Variants in CIBAR1 observed in about 807,000 individuals in gnomAD.
CIBAR1 encodes CBY1 interacting BAR domain containing 1.
Under a neutral mutation model 44.0 loss-of-function variants are expected in CIBAR1, and 25 were observed. The observed-to-expected ratio is 0.57, with a 90% confidence interval of 0.41 to 0.79. The LOEUF is 0.79. Among genes scored for constraint, CIBAR1 ranks in the 30% least tolerant of loss-of-function variants. CIBAR1 has a pLI of 0.00. For synonymous variants in CIBAR1, 115 were observed against 119.0 expected, an observed-to-expected ratio of 0.97 and a Z score of 0.22; for missense variants, 278 against 344.8, an observed-to-expected ratio of 0.81 and a Z score of 1.53.
At chr8:93,703,559 C>A (rs1810457843) in intron 2 of CIBAR1, 61 bp from the exon 3 acceptor site, 11 of 1,001,680 alleles carry the variant, frequency 1.1e-5, no homozygotes, top group Non-Finnish European at 1.5e-5. Flanking sequence ...AGTGATTAGC[C>A]TTTTATTTAT....
intron 6 of CIBAR1, among the ~76,000 whole-genome samples, chr8:93,711,311 T>C (rs1359260272): frequency 6.6e-6 from 1 of 152,260 alleles, no homozygotes; most frequent in Non-Finnish European, 1.5e-5. Flanking sequence ...CTTCATAAGC[T>C]ATATTCTTTC....
intron 6 of CIBAR1, among the ~76,000 whole-genome samples, chr8:93,716,672 C>T (rs1335849485): frequency 6.6e-6 from 1 of 152,110 alleles, no homozygotes; most frequent in African/African-American, 2.4e-5. Flanking sequence ...CCAAATCCAT[C>T]TTCTTATCTT....
intron 3 of CIBAR1, among the ~76,000 whole-genome samples, chr8:93,704,650 C>T (rs778937766): frequency 1.8e-4 from 27 of 152,162 alleles, no homozygotes; most frequent in Non-Finnish European, 2.4e-4. Context: ...ATCAAAATTA[C>T]ACATTTATAT....
chr8:93,710,537 G>A (rs934587166), intron 6 of CIBAR1, among the ~76,000 whole-genome samples: 3 of 151,790 alleles, frequency 2.0e-5, no homozygotes, highest in Non-Finnish European at 4.4e-5. Context: ...ATGAGGTGGT[G>A]TTATGAAATT....
At chr8:93,707,276 C>A in intron 4 of CIBAR1, 1 of 406,444 alleles carries the variant, frequency 2.5e-6, no homozygotes. Context: ...GGATGTGTTA[C>A]TTTAGGTGAG....
intron 6 of CIBAR1, among the ~76,000 whole-genome samples, chr8:93,716,635 T>C (rs1322048853): frequency 6.6e-6 from 1 of 152,194 alleles, no homozygotes; most frequent in Non-Finnish European, 1.5e-5. Context: ...TTAGTGTTTT[T>C]GCCACCTCTA....
Position 93,703,553 on chromosome 8 carries a change from A to G in CIBAR1, c.262-67A>G, listed in dbSNP as rs1050724733. The G allele has an allele frequency of 4.4e-6, 4 of 916,844 alleles. No homozygotes were observed. The Admixed American group carries it at 1.1e-4, about 25-fold the overall frequency. The allele number at this position is 916,844 out of a possible 1,614,324, so 56.8% of individuals were successfully genotyped here. A position where few individuals can be genotyped will look rare whatever the true frequency, so the allele number is the denominator to read the frequency against. ...TTCTGAGTCTTATCAATTTCTAGTG[A>G]TTAGCCTTTTATTTATAGGTTAAAA... On this transcript the variant is annotated intron_variant, in intron 2 of 8. Transcript: ENST00000518322.
intron 4 of CIBAR1, among the ~76,000 whole-genome samples, chr8:93,706,455 G>A (rs1264354557): frequency 6.6e-6 from 1 of 152,182 alleles, no homozygotes; most frequent in African/African-American, 2.4e-5. Flanking sequence ...TTAAGCTAGG[G>A]ATGAAAATTT....
chr8:93,726,358 C>G (rs754444319), intron 7 of CIBAR1, 36 bp from the exon 8 acceptor site: 1 of 1,552,706 alleles, frequency 6.4e-7, no homozygotes, highest in South Asian at 1.2e-5. Context: ...TTTTGTTTAG[C>G]ATCTACTTTA....
At chr8:93,708,791 G>A (rs916864018) in intron 5 of CIBAR1, among the ~76,000 whole-genome samples, 1 of 152,140 alleles carries the variant, frequency 6.6e-6, no homozygotes, top group Non-Finnish European at 1.5e-5. Flanking sequence ...AAGTAAGCAA[G>A]GTAGAAAGAA....
rs374993257 is a variant in CIBAR1, at chr8:93,728,289, C to T, written c.862C>T (p.Leu288Phe). 6.4e-7 allele frequency: 1 copy of T among 1,569,710 alleles called. No individual in the cohort carries two copies. The highest frequency in any genetic ancestry group is 1.4e-5 in the African/African-American group (1 of 72,508). ...ELDVTEEENF[L>F]K ...AGATGTTACAGAAGAAGAAAATTTTCTTAAGTAAACTACACATTTCCATTT... is the reference window on the plus strand; with the variant it reads ...AGATGTTACAGAAGAAGAAAATTTTTTTAAGTAAACTACACATTTCCATTT... Residue 288 changes from leucine to phenylalanine, a missense_variant, in exon 9 of 9, where the codon CTT (leucine) becomes TTT (phenylalanine). By Grantham distance (22) the Leu-to-Phe change is conservative (BLOSUM62 0). Coordinates refer to ENST00000518322, the MANE Select transcript of CIBAR1 (RefSeq NM_145269.5).
intron 7 of CIBAR1, among the ~76,000 whole-genome samples, chr8:93,723,253 C>T (rs1811340648): frequency 6.6e-6 from 1 of 152,206 alleles, no homozygotes; most frequent in Non-Finnish European, 1.5e-5. Context: ...GCCTTGGCCT[C>T]CCAAAGTGCT....
At position 93,700,899 on chromosome 8, in the gene CIBAR1, C is replaced by T. The variant is rs926128399; in HGVS notation, c.26+226C>T. On this transcript the variant is annotated intron_variant, in intron 1 of 8. Transcript: ENST00000518322. Reference sequence around the variant, plus strand: ...CTGCCACCCACCCACGCCACCGGGTCTCGGGTCCCCACACTGCCGCGGGCA... The same window carrying T: ...CTGCCACCCACCCACGCCACCGGGTTTCGGGTCCCCACACTGCCGCGGGCA... The T allele has an allele frequency of 4.6e-6, 6 of 1,316,374 alleles. No individual in the cohort carries two copies. The Admixed American group carries it at 1.2e-4, about 26-fold the overall frequency. 81.5% of individuals were successfully genotyped at this position (1,316,374 alleles called of 1,614,324 possible).
chr8:93,716,236 G>T (rs1811030670), intron 6 of CIBAR1: 1 of 151,978 alleles, frequency 6.6e-6, no homozygotes, highest in African/African-American at 2.4e-5. Context: ...TAGAAACAGG[G>T]TTTCACCATG....
chr8:93,727,117 A>G (rs2914959), intron 8 of CIBAR1: 256,666 of 988,552 alleles, frequency 0.26, 36,415 homozygotes, highest in East Asian at 0.49. Flanking sequence ...ATAAAATTCT[A>G]TTTACAAAAG....
chr8:93,701,716 G>T, intron 2 of CIBAR1: 1 of 473,540 alleles, frequency 2.1e-6, no homozygotes, highest in East Asian at 4.0e-5. Flanking sequence ...TGGCCAAGGG[G>T]TGGCTGTTTA....
At chr8:93,708,327 G>C (rs969538214) in intron 5 of CIBAR1, among the ~76,000 whole-genome samples, 10 of 152,040 alleles carry the variant, frequency 6.6e-5, no homozygotes, top group Middle Eastern at 3.4e-3. Flanking sequence ...ATGTTTTTGG[G>C]CAACTTTTGT....
Position 93,708,013 on chromosome 8 carries a change from A to T in CIBAR1, c.435A>T (p.Ser145=). Residue 145 remains serine (S), a splice_region_variant and synonymous_variant, in exon 5 of 9, where the codon TCA becomes TCT. Transcript: ENST00000518322. ...TTTTCCTTTATGAAAAATTTCAGTC[A>T]CAGGTGGGTAATAAAGTGGTGTGTC... ...QRNPSDRHVI[S]QAETELQRAA... 3 of 1,567,836 alleles carry T rather than the reference A, an allele frequency of 1.9e-6. No homozygotes were observed. The highest frequency in any genetic ancestry group is 2.6e-6 in the Non-Finnish European group (3 of 1,161,386).
intron 6 of CIBAR1, among the ~76,000 whole-genome samples, chr8:93,714,742 C>A (rs768436708): frequency 3.9e-5 from 6 of 152,106 alleles, no homozygotes; most frequent in Non-Finnish European, 5.9e-5. Context: ...CCTCAACCTC[C>A]CCAGGTGCTG....
Sources: gnomAD v4.1 joint callset for allele counts (sites outside exome capture counted in the v4.1 genomes callset) on GRCh38, gnomAD v4.1.1 for gene constraint, MANE v1.5 for transcripts, NCBI Gene and HGNC (gene_info 2026-07-23, HGNC 2026-07-21) for gene names.